Variants in DRC4 observed in about 807,000 individuals in gnomAD.
DRC4 encodes the protein dynein regulatory complex subunit 4, also known as GAS-11.
chr16:90,031,430 G>T, the DRC4 span: 352 of 1,611,620 alleles, frequency 2.2e-4, 3 homozygotes, highest in Middle Eastern at 2.0e-3. Flanking sequence ...AGGAGAAGAA[G>T]GCTGAGCTGC....
At chr16:90,027,665 A>T in the DRC4 span, 7 of 1,613,942 alleles carry the variant, frequency 4.3e-6, no homozygotes, top group African/African-American at 9.3e-5. Context: ...AGAAAGGCAA[A>T]GCCAAAGGCA....
At chr16:90,043,225 G>A in the DRC4 span, 1 of 1,613,556 alleles carries the variant, frequency 6.2e-7, no homozygotes, top group Non-Finnish European at 8.5e-7. Flanking sequence ...GCACGTATGA[G>A]GCAAAGCTGC....
At chr16:90,036,344 T>C in the DRC4 span, 1 of 1,554,702 alleles carries the variant, frequency 6.4e-7, no homozygotes, top group Admixed American at 1.8e-5. Context: ...GCACCACGTC[T>C]TCCTCTGCTA....
At chr16:90,028,999 G>A in the DRC4 span, 2 of 1,305,356 alleles carry the variant, frequency 1.5e-6, no homozygotes, top group South Asian at 2.5e-5. Flanking sequence ...TCAGGTTTGT[G>A]TTCTGGAAAG....
chr16:90,038,775 T>G, the DRC4 span, among the ~76,000 whole-genome samples: 13 of 151,972 alleles, frequency 8.6e-5, no homozygotes, highest in South Asian at 2.3e-3. Flanking sequence ...TCGCAGTGAG[T>G]GGTAGGGGTG....
At chr16:90,029,093 C>T in the DRC4 span, 1 of 1,310,832 alleles carries the variant, frequency 7.6e-7, no homozygotes, top group Non-Finnish European at 1.0e-6. Context: ...CTGTCCGCTT[C>T]CCATTCCTGT....
chr16:90,043,373 A>G, the DRC4 span: 23 of 1,594,710 alleles, frequency 1.4e-5, no homozygotes, highest in Non-Finnish European at 2.0e-5. Flanking sequence ...CACAGCCCAG[A>G]GAACCAGCCT....
the DRC4 span, among the ~76,000 whole-genome samples, chr16:90,028,405 G>C: frequency 1.3e-5 from 2 of 151,162 alleles, no homozygotes; most frequent in Non-Finnish European, 2.9e-5. Context: ...AGCCAGGATG[G>C]TCTCGATCTC....
At chr16:90,027,680 G>A in the DRC4 span, 10 of 1,613,898 alleles carry the variant, frequency 6.2e-6, no homozygotes, top group South Asian at 4.4e-5. Context: ...AAGGCACCCC[G>A]ATTGTCGATG....
chr16:90,043,257 A>G, the DRC4 span: 1 of 1,613,668 alleles, frequency 6.2e-7, no homozygotes, highest in East Asian at 2.2e-5. Context: ...ATCCCTCTGG[A>G]CAACGTGGGC....
chr16:90,029,426 A>T, the DRC4 span: 1 of 836,262 alleles, frequency 1.2e-6, no homozygotes, highest in Non-Finnish European at 1.7e-6. Context: ...AAATCTGGAT[A>T]TTTATAAGAA....
chr16:90,032,693 A>C, the DRC4 span: 3 of 1,609,268 alleles, frequency 1.9e-6, no homozygotes, highest in South Asian at 3.3e-5. Context: ...GCAGGTGAGC[A>C]GATGGTACTC....
chr16:90,031,728 C>T, the DRC4 span, among the ~76,000 whole-genome samples: 5 of 152,324 alleles, frequency 3.3e-5, no homozygotes, highest in East Asian at 9.6e-4. Flanking sequence ...GGCCTGTTTG[C>T]AACTCAGCTC....
the DRC4 span, chr16:90,019,657 C>T: frequency 2.2e-6 from 1 of 444,854 alleles, no homozygotes; most frequent in Non-Finnish European, 3.9e-6. The surrounding 1 kb of genome is among the most constrained non-coding windows in gnomAD (Gnocchi z 6.1). Context: ...CGCGCCCCGC[C>T]GCGGACACCA....
the DRC4 span, among the ~76,000 whole-genome samples, chr16:90,024,506 A>G: frequency 6.6e-6 from 1 of 152,150 alleles, no homozygotes. Context: ...AAGGAAAAAC[A>G]TGTTTTGCGA....
chr16:90,037,779 G>T, the DRC4 span: 6 of 1,614,158 alleles, frequency 3.7e-6, no homozygotes, highest in East Asian at 1.1e-4. Context: ...AAGCCCGTTT[G>T]AAAGTCAGGG....
the DRC4 span, chr16:90,029,074 C>A: frequency 6.0e-4 from 782 of 1,306,388 alleles, 11 homozygotes; most frequent in East Asian, 0.022. Context: ...TGAGCTGCTG[C>A]CCGTCTCCCT....
At chr16:90,032,921 G>T in the DRC4 span, 5 of 1,612,928 alleles carry the variant, frequency 3.1e-6, no homozygotes, top group Non-Finnish European at 4.2e-6. Context: ...AGAACCTGCG[G>T]CTGGTAGGTG....
chr16:90,031,640 G>A, the DRC4 span: 4,056 of 877,950 alleles, frequency 4.6e-3, 143 homozygotes, highest in African/African-American at 0.063. Context: ...AAAGCCTGAG[G>A]GAGAGACCCT....
Sources: gnomAD v4.1 joint callset for allele counts (sites outside exome capture counted in the v4.1 genomes callset) on GRCh38, gnomAD v4.1.1 for gene constraint, Gnocchi (gnomAD v3.1) non-coding constraint, MANE v1.5 for transcripts, NCBI Gene and HGNC (gene_info 2026-07-23, HGNC 2026-07-21) for gene names.